SPPL3: variants seen among roughly 807,000 people sequenced by gnomAD.
The protein encoded by SPPL3 is signal peptide peptidase like 3.
A neutral mutation model predicts 42.4 loss-of-function variants in SPPL3; 5 were observed. That is an observed-to-expected ratio of 0.12 (90% CI 0.06 to 0.25). The LOEUF is 0.25. SPPL3 is among the 10% of genes least tolerant of loss of function. SPPL3 has a pLI of 1.00. For missense variants in SPPL3, 235 were observed against 489.0 expected, an observed-to-expected ratio of 0.48 and a Z score of 4.90; for synonymous variants, 195 against 181.8, an observed-to-expected ratio of 1.07 and a Z score of -0.58.
chr12:120,793,055 A>G (rs1296676095), intron 2 of SPPL3, among the ~76,000 whole-genome samples: 1 of 152,260 alleles, frequency 6.6e-6, no homozygotes, highest in Non-Finnish European at 1.5e-5. Flanking sequence ...TGTCTAGGAT[A>G]TATAAAGAAC....
intron 3 of SPPL3, 135 bp downstream of exon 3, chr12:120,791,334 A>T: frequency 1.7e-6 from 1 of 581,294 alleles, no homozygotes; most frequent in East Asian, 3.1e-5. Context: ...AAATTCACTC[A>T]TTTTAAGTAT....
chr12:120,790,213 T>C (rs78431328), intron 3 of SPPL3, among the ~76,000 whole-genome samples: 2,501 of 152,336 alleles, frequency 0.016, 27 homozygotes, highest in South Asian at 0.067. Context: ...CAAGGATCCA[T>C]GTCATAAATT....
chr12:120,882,965 C>G (rs1228328163), intron 1 of SPPL3, among the ~76,000 whole-genome samples: 1 of 151,904 alleles, frequency 6.6e-6, no homozygotes, highest in Non-Finnish European at 1.5e-5. Flanking sequence ...ACATATAGTT[C>G]TGGGACAATT....
intron 1 of SPPL3, 86 bp from the exon 2 acceptor site, chr12:120,810,972 C>T (rs770551325): frequency 1.2e-6 from 1 of 848,690 alleles, no homozygotes. Context: ...ATAAACCCCA[C>T]TGAGCTTTGT....
chr12:120,823,184 C>CT (rs1871122283), intron 1 of SPPL3, among the ~76,000 whole-genome samples: 1 of 107,262 alleles, frequency 9.3e-6, no homozygotes, highest in East Asian at 2.6e-4. Context: ...ACAAAGGTGT[C>CT]TGTGAGAGAC....
At chr12:120,854,325 G>A (rs1052255703) in intron 1 of SPPL3, among the ~76,000 whole-genome samples, 5 of 152,180 alleles carry the variant, frequency 3.3e-5, no homozygotes, top group African/African-American at 1.2e-4. Context: ...ATTTTAGAAT[G>A]CTCAAGAAAC....
At chr12:120,821,634 A>G (rs1871074231) in intron 1 of SPPL3, among the ~76,000 whole-genome samples, 1 of 152,244 alleles carries the variant, frequency 6.6e-6, no homozygotes, top group South Asian at 2.1e-4. Context: ...ACTTGCAAAA[A>G]TCTATGTTAA....
chr12:120,896,331 A>G (rs1873800431), intron 1 of SPPL3, among the ~76,000 whole-genome samples: 1 of 152,198 alleles, frequency 6.6e-6, no homozygotes, highest in Non-Finnish European at 1.5e-5. Flanking sequence ...GTAACAATTC[A>G]TTGAGAGGAT....
At chr12:120,858,946 T>C (rs1181619229) in intron 1 of SPPL3, among the ~76,000 whole-genome samples, 4 of 152,222 alleles carry the variant, frequency 2.6e-5, no homozygotes, top group South Asian at 4.1e-4. Flanking sequence ...AATCAGTTTC[T>C]TTTTATAATC....
intron 1 of SPPL3, among the ~76,000 whole-genome samples, chr12:120,863,066 G>A (rs2137043703): frequency 6.6e-6 from 1 of 152,278 alleles, no homozygotes; most frequent in East Asian, 1.9e-4. Flanking sequence ...ACAACATCTA[G>A]GCCAGGCATG....
At chr12:120,902,750 T>C (rs927166162) in intron 1 of SPPL3, among the ~76,000 whole-genome samples, 6 of 152,164 alleles carry the variant, frequency 3.9e-5, no homozygotes, top group African/African-American at 1.2e-4. Context: ...GAGTAAACCA[T>C]CTTCAAACCA....
rs750936417 is a variant in SPPL3 at position 120,784,571 on chromosome 12, G to A, written c.213C>T (p.Thr71=). 2.2e-5 allele frequency: 35 copies of A among 1,608,900 alleles called. No individual in the cohort carries two copies. The highest frequency in any genetic ancestry group is 2.9e-5 in the Non-Finnish European group (34 of 1,178,338). ...CTCCAATTGGAAGGAACAGAGCCTG[G>A]GTAGAGTCAATTGTTTGGATGCCTG... ...TNNSIQTIDS[T]QALFLPIGAS... Residue 71 remains threonine, a synonymous_variant, in exon 4 of 11, where the codon ACC becomes ACT. Coordinates refer to ENST00000353487, the MANE Select transcript of SPPL3 (RefSeq NM_139015.5).
intron 2 of SPPL3, among the ~76,000 whole-genome samples, chr12:120,804,923 C>T (rs919016485): frequency 5.9e-5 from 9 of 152,134 alleles, no homozygotes; most frequent in South Asian, 4.1e-4. Context: ...TGATAACATG[C>T]TACAACACAG....
intron 1 of SPPL3, among the ~76,000 whole-genome samples, chr12:120,827,328 CAATAATAATAAT>C (rs71076662): frequency 6.2e-5 from 9 of 145,642 alleles, no homozygotes; most frequent in South Asian, 4.3e-4. Flanking sequence ...ATAACAGGAA[CAATAATAATAAT>C]AATAATAATA....
chr12:120,803,532 G>GA (rs552470095), intron 2 of SPPL3, among the ~76,000 whole-genome samples: 214 of 150,678 alleles, frequency 1.4e-3, no homozygotes, highest in African/African-American at 5.1e-3. Flanking sequence ...AGAAAGGAGT[G>GA]AAAAAATGAA....
At chr12:120,812,692 C>T (rs1870723933) in intron 1 of SPPL3, among the ~76,000 whole-genome samples, 1 of 151,988 alleles carries the variant, frequency 6.6e-6, no homozygotes, top group South Asian at 2.1e-4. Flanking sequence ...GAAGGAAAAC[C>T]CAGAATAGTA....
At chr12:120,806,197 ATT>A (rs35141421) in intron 2 of SPPL3, among the ~76,000 whole-genome samples, 72 of 144,320 alleles carry the variant, frequency 5.0e-4, no homozygotes, top group East Asian at 8.0e-4. Context: ...TTTATGGTCG[ATT>A]TTTTTTTTTT....
intron 1 of SPPL3, among the ~76,000 whole-genome samples, chr12:120,872,892 C>T (rs1179990329): frequency 6.6e-6 from 1 of 152,146 alleles, no homozygotes; most frequent in Non-Finnish European, 1.5e-5. Context: ...ATCTGTGTGA[C>T]CAAATACAAT....
chr12:120,829,766 G>A (rs1382199380), intron 1 of SPPL3, among the ~76,000 whole-genome samples: 3 of 151,950 alleles, frequency 2.0e-5, no homozygotes, highest in East Asian at 1.9e-4. Flanking sequence ...AGGCCGAGGT[G>A]GGCGGATCAC....
Sources: allele counts gnomAD v4.1 joint callset (sites outside exome capture counted in the v4.1 genomes callset), GRCh38; gene constraint gnomAD v4.1.1; transcripts MANE v1.5; gene names NCBI Gene and HGNC (gene_info 2026-07-23, HGNC 2026-07-21).